Variants in TMPO observed in about 807,000 individuals in gnomAD.
TMPO encodes LEM domain containing 4.
Under a neutral mutation model 45.4 loss-of-function variants are expected in TMPO, and 22 were observed. The observed-to-expected ratio is 0.48, with a 90% CI of 0.35 to 0.69. The LOEUF (loss-of-function observed/expected upper bound fraction) is 0.69, where lower values mean the gene tolerates loss of function less well. TMPO is among the 30% of genes least tolerant of loss of function. The probability of loss-of-function intolerance (pLI) is 0.01; values close to 1 mark genes in which losing one functional copy is unlikely to be tolerated. For missense variants in TMPO, 512 were observed against 548.8 expected, an observed-to-expected ratio of 0.93 and a Z score of 0.67; for synonymous variants, 241 against 204.1, an observed-to-expected ratio of 1.18 and a Z score of -1.54.
chr12:98,516,741 A>G, intron 1 of TMPO, among the ~76,000 whole-genome samples: 1 of 152,234 alleles, frequency 6.6e-6, no homozygotes, highest in Non-Finnish European at 1.5e-5. Flanking sequence ...TTGGCGGAAC[A>G]GGTTCATGCC....
At chr12:98,520,306 C>A in intron 1 of TMPO, among the ~76,000 whole-genome samples, 1 of 145,966 alleles carries the variant, frequency 6.9e-6, no homozygotes, top group Non-Finnish European at 1.5e-5. Context: ...TCCTTCCTTC[C>A]TTCTGTGTGT....
intron 1 of TMPO, chr12:98,516,404 T>G: frequency 1.7e-6 from 2 of 1,186,168 alleles, no homozygotes; most frequent in Non-Finnish European, 2.1e-6. Flanking sequence ...GGCGGTTGTT[T>G]TGCACGCAGT....
intron 4 of TMPO, among the ~76,000 whole-genome samples, chr12:98,540,539 C>T (rs970668590): frequency 1.3e-5 from 2 of 152,004 alleles, no homozygotes; most frequent in African/African-American, 2.4e-5. Flanking sequence ...CCACCACGCC[C>T]GGCTAATTTT....
chr12:98,527,971 A>T lies in TMPO; in HGVS notation c.365A>T (p.Asp122Val), dbSNP rs904567500. Residue 122 changes from aspartate to valine, a missense_variant, in exon 2 of 9, where the codon GAT (aspartate) becomes GTT (valine). By Grantham distance (152) the Asp-to-Val change is radical. Around this residue, in one of 3 missense-constraint regions of TMPO, gnomAD observed 299 missense variants for 296.7 expected, o/e 1.01. Transcript: ENST00000556029. ...VTELTNEDLL[D>V]QLVKYGVNPG... is the part of the protein sequence containing the mutation. ...GAGCTCACTAATGAAGATCTTTTGGATCAGCTTGTGAAATACGGAGTGAAT... is the reference window on the plus strand; with the variant it reads ...GAGCTCACTAATGAAGATCTTTTGGTTCAGCTTGTGAAATACGGAGTGAAT... The T allele has an allele frequency of 6.2e-7, 1 of 1,613,984 alleles. No individual in the cohort carries two copies. Among genetic ancestry groups the T allele is most frequent in the Admixed American group, 1.7e-5 (1 of 60,022 alleles).
At chr12:98,525,054 C>T (rs1876662225) in intron 1 of TMPO, among the ~76,000 whole-genome samples, 1 of 152,146 alleles carries the variant, frequency 6.6e-6, no homozygotes, top group African/African-American at 2.4e-5. Context: ...TTATTTTAAG[C>T]ATTATTTAGT....
intron 1 of TMPO, among the ~76,000 whole-genome samples, chr12:98,523,119 T>G (rs1876494963): frequency 1.3e-5 from 2 of 152,228 alleles, no homozygotes. Context: ...AGGCAGAATT[T>G]AATGCAACTG....
rs1876903036 is a variant in TMPO at position 98,527,933 on chromosome 12, T to C, written c.327T>C (p.Asp109=). The change falls in exon 2 of 9, where the codon GAT becomes GAC. Residue 109 remains aspartate (D), a synonymous_variant. Coordinates refer to ENST00000556029, the MANE Select transcript of TMPO (RefSeq NM_001032283.3). ...AACCCAGACAAGAAGATAAAGATGATCTAGATGTAACAGAGCTCACTAATG... is the reference window on the plus strand; with the variant it reads ...AACCCAGACAAGAAGATAAAGATGACCTAGATGTAACAGAGCTCACTAATG... The part of the protein sequence containing the change: ...TDKPRQEDKD[D]LDVTELTNED... The C allele has an allele frequency of 1.2e-6, 2 of 1,613,840 alleles. No homozygotes were observed. The highest frequency in any genetic ancestry group is 1.6e-4 in the Middle Eastern group (1 of 6,080).
intron 3 of TMPO, chr12:98,534,732 C>A (rs1407758437): frequency 6.7e-6 from 7 of 1,041,208 alleles, no homozygotes; most frequent in Non-Finnish European, 8.1e-6. Flanking sequence ...ACATTTGTTA[C>A]ACATTCAGAA....
intron 4 of TMPO, 176 bp from the exon 5 acceptor site, chr12:98,544,054 G>A: frequency 1.6e-6 from 1 of 640,456 alleles, no homozygotes; most frequent in Non-Finnish European, 2.6e-6. Flanking sequence ...AGTGTTTCCT[G>A]ATGCCTAAAT....
chr12:98,545,141 T>G, intron 7 of TMPO, 80 bp downstream of exon 7: 1 of 1,196,228 alleles, frequency 8.4e-7, no homozygotes. Flanking sequence ...TTTTTTTTTT[T>G]TTTTTTGGAG....
chr12:98,542,010 T>C (rs1203349845), intron 4 of TMPO, among the ~76,000 whole-genome samples: 2 of 152,236 alleles, frequency 1.3e-5, no homozygotes, highest in Non-Finnish European at 2.9e-5. Flanking sequence ...ATGGATGTAC[T>C]GTAATTTATT....
intron 4 of TMPO, among the ~76,000 whole-genome samples, chr12:98,540,868 A>G (rs557577088): frequency 3.3e-5 from 5 of 152,298 alleles, no homozygotes; most frequent in Non-Finnish European, 7.3e-5. Flanking sequence ...CTTTCTGGCG[A>G]TGCTAAAATT....
intron 1 of TMPO, chr12:98,516,378 G>A (rs1027811700): frequency 7.5e-6 from 9 of 1,201,480 alleles, no homozygotes; most frequent in Non-Finnish European, 9.3e-6. Context: ...TCTGGGAGGT[G>A]TGGAGTTGCG....
At chr12:98,523,879 T>C (rs1876566621) in intron 1 of TMPO, among the ~76,000 whole-genome samples, 1 of 152,162 alleles carries the variant, frequency 6.6e-6, no homozygotes, top group Non-Finnish European at 1.5e-5. Context: ...TTTCACCGTG[T>C]TGGCCAGGCT....
rs1877413187 is a variant in TMPO, at chr12:98,534,122, A to G, written c.565+2284A>G. On this transcript the variant is annotated intron_variant, in intron 3 of 8. Transcript: ENST00000556029. ...GCGCTTGGGATTCTGAGCAAAACAT[A>G]TGATGCAGCCTCATATATTTGTGAA... 2.5e-6 allele frequency: 4 copies of G among 1,613,788 alleles called. No individual in the cohort carries two copies. The highest frequency in any genetic ancestry group is 3.4e-6 in the Non-Finnish European group (4 of 1,179,806).
At chr12:98,527,661 A>G (rs1876879841) in intron 1 of TMPO, 1 of 514,536 alleles carries the variant, frequency 1.9e-6, no homozygotes, top group Non-Finnish European at 3.5e-6. Flanking sequence ...TTTTAACAAC[A>G]ATGTCTTTAA....
intron 1 of TMPO, among the ~76,000 whole-genome samples, chr12:98,526,789 C>T (rs1241007890): frequency 1.3e-5 from 2 of 152,190 alleles, no homozygotes; most frequent in South Asian, 2.1e-4. Flanking sequence ...GAAACCCCGT[C>T]TCTACTAAAA....
At chr12:98,543,948 G>A (rs1487508061) in intron 4 of TMPO, among the ~76,000 whole-genome samples, 1 of 152,166 alleles carries the variant, frequency 6.6e-6, no homozygotes, top group African/African-American at 2.4e-5. Flanking sequence ...GAGTCAAAAA[G>A]GGAACTGGTG....
intron 1 of TMPO, among the ~76,000 whole-genome samples, chr12:98,524,582 GAA>G (rs36039336): frequency 2.9e-5 from 4 of 138,090 alleles, no homozygotes; most frequent in Non-Finnish European, 4.8e-5. Flanking sequence ...CCTTGAAAAA[GAA>G]AAAAAAAAAA....
Sources: gnomAD v4.1 joint callset for allele counts (sites outside exome capture counted in the v4.1 genomes callset) on GRCh38, gnomAD v4.1.1 for gene constraint, gnomAD v4.1.1 regional missense constraint, MANE v1.5 for transcripts, NCBI Gene and HGNC (gene_info 2026-07-23, HGNC 2026-07-21) for gene names.